FGF5: variants seen among roughly 807,000 people sequenced by gnomAD.
FGF5 encodes the protein heparin-binding growth factor 5.
In FGF5, 23 loss-of-function variants were observed where a neutral mutation model predicts 21.8. That is an observed-to-expected ratio of 1.05 (90% confidence interval 0.76 to 1.49). The LOEUF is 1.49. Among genes scored for constraint, FGF5 ranks in the 40% most tolerant of loss-of-function variants. The pLI, the probability that FGF5 is intolerant of heterozygous loss-of-function variation, is 0.00. For missense variants in FGF5, 352 were observed against 332.9 expected (o/e 1.06, Z -0.45); for synonymous variants, 158 against 124.0 (o/e 1.27, Z -1.82).
intron 2 of FGF5, among the ~76,000 whole-genome samples, chr4:80,282,985 C>T (rs1720598328): frequency 1.3e-5 from 2 of 152,112 alleles, no homozygotes; most frequent in Non-Finnish European, 2.9e-5. Context: ...ATGGTCCATG[C>T]ACAACATTAT....
rs1720104429 is a variant in FGF5 at position 80,266,919 on chromosome 4, C to A, written c.95C>A (p.Pro32His). 1.2e-6 allele frequency: 2 copies of A among 1,614,114 alleles called. No homozygotes were observed. The highest frequency in any genetic ancestry group is 1.7e-6 in the Non-Finnish European group (2 of 1,179,980). ...AAGCGTCTCGCCCCCAAAGGGCAAC[C>A]CGGACCCGCTGCCACTGATAGGAAC... is the stretch of plus-strand genomic sequence containing the variant. ...GEKRLAPKGQPGPAATDRNPR... is the reference protein window; with the variant it reads ...GEKRLAPKGQHGPAATDRNPR... Residue 32 changes from proline (P) to histidine (H), a missense_variant, in exon 1 of 3, where the codon CCC becomes CAC. By Grantham distance (77) the Pro-to-His change is moderately conservative. Coordinates refer to ENST00000312465, the MANE Select transcript of FGF5 (RefSeq NM_004464.4).
Position 80,290,905 on chromosome 4 carries a change from A to G in FGF5, c.*4233A>G, listed in dbSNP as rs1720887113. On this transcript the variant is annotated 3_prime_UTR_variant, in exon 3 of 3. Transcript: ENST00000312465. ...ATGGCTGCATAGTATTCCATGGTGT[A>G]TATGTGCCACATTTTCTTAATCCAG... is the stretch of plus-strand genomic sequence containing the variant. The G allele has an allele frequency of 6.6e-6, 1 of 152,148 alleles. No individual in the cohort carries two copies. Among genetic ancestry groups the G allele is most frequent in the Non-Finnish European group, 1.5e-5 (1 of 68,032 alleles). The allele number at this position is 152,148 out of a possible 1,614,324, so 9.4% of individuals were successfully genotyped here.
At chr4:80,286,067 A>G (rs1720706839) in intron 2 of FGF5, among the ~76,000 whole-genome samples, 1 of 152,194 alleles carries the variant, frequency 6.6e-6, no homozygotes, top group African/African-American at 2.4e-5. Context: ...GGTTACTTTT[A>G]TAGTCATCGA....
intron 2 of FGF5, among the ~76,000 whole-genome samples, chr4:80,281,064 A>T (rs2109926547): frequency 6.6e-6 from 1 of 152,148 alleles, no homozygotes; most frequent in Non-Finnish European, 1.5e-5. Context: ...TGAAGAACTG[A>T]GATATAGAAG....
exon 1 of FGF5, chr4:80,266,660 ATCCGC>A: frequency 3.3e-6 from 2 of 611,304 alleles, no homozygotes; most frequent in Non-Finnish European, 5.7e-6. Context: ...CAGCGCGGAG[ATCCGC>A]TCGGGTGGCC....
chr4:80,270,854 A>G (rs1040619154), intron 1 of FGF5, among the ~76,000 whole-genome samples: 3 of 152,238 alleles, frequency 2.0e-5, no homozygotes, highest in African/African-American at 7.2e-5. Flanking sequence ...AAAAATCTAA[A>G]TTCACTACCA....
intron 2 of FGF5, among the ~76,000 whole-genome samples, chr4:80,283,887 T>C (rs1305464282): frequency 6.6e-6 from 1 of 152,236 alleles, no homozygotes; most frequent in African/African-American, 2.4e-5. Context: ...ACATTCTAGA[T>C]GTCTATAGCT....
rs959019055 is a variant in FGF5 at position 80,289,426 on chromosome 4, A to T, written c.*2754A>T. 1.3e-5 allele frequency: 2 copies of T among 152,144 alleles called. No homozygotes were observed. The highest frequency in any genetic ancestry group is 4.8e-5 in the African/African-American group (2 of 41,432). 9.4% of individuals were successfully genotyped at this position (152,144 alleles called of 1,614,324 possible). ...TTTCTAAGAGGGTTCTTGCTTATGT[A>T]GCTTTTTATTATTTTAAGTAACTAG... On this transcript the variant is annotated 3_prime_UTR_variant, in exon 3 of 3. Transcript: ENST00000312465.
chr4:80,271,811 T>C (rs532612739), intron 1 of FGF5, among the ~76,000 whole-genome samples: 1 of 152,202 alleles, frequency 6.6e-6, no homozygotes, highest in South Asian at 2.1e-4. Flanking sequence ...GGTCAGAAAA[T>C]TACTGAAATT....
chr4:80,279,935 C>G (rs1016487051), intron 2 of FGF5, among the ~76,000 whole-genome samples: 7 of 152,196 alleles, frequency 4.6e-5, no homozygotes, highest in Admixed American at 2.6e-4. Context: ...GATCATCCTC[C>G]TTTCCTGGTT....
At chr4:80,281,057 A>G (rs1158234352) in intron 2 of FGF5, among the ~76,000 whole-genome samples, 1 of 152,104 alleles carries the variant, frequency 6.6e-6, no homozygotes, top group African/African-American at 2.4e-5. Flanking sequence ...CTCAGTATGA[A>G]GAACTGAGAT....
intron 1 of FGF5, chr4:80,268,568 G>A: frequency 2.0e-6 from 2 of 978,358 alleles, no homozygotes; most frequent in Non-Finnish European, 2.4e-6. Context: ...CGCGCAAGTG[G>A]GTAAGGCGGT....
intron 2 of FGF5, among the ~76,000 whole-genome samples, chr4:80,279,875 T>A (rs1720508051): frequency 6.6e-6 from 1 of 152,192 alleles, no homozygotes; most frequent in Non-Finnish European, 1.5e-5. Context: ...ATTGCAGACT[T>A]TATGAAACAG....
At chr4:80,267,697 T>C (rs553569640) in intron 1 of FGF5, among the ~76,000 whole-genome samples, 2 of 143,468 alleles carry the variant, frequency 1.4e-5, no homozygotes, top group Admixed American at 1.4e-4. Context: ...TATGTATATA[T>C]GTATATAAGT....
chr4:80,269,174 C>T (rs141852907), intron 1 of FGF5, among the ~76,000 whole-genome samples: 425 of 152,224 alleles, frequency 2.8e-3, no homozygotes, highest in African/African-American at 9.8e-3. Flanking sequence ...GCTGCTGTCT[C>T]CTGGCTATGT....
At chr4:80,286,075 C>T (rs755703230) in intron 2 of FGF5, among the ~76,000 whole-genome samples, 19 of 151,874 alleles carry the variant, frequency 1.3e-4, no homozygotes, top group Non-Finnish European at 2.2e-4. Context: ...TTATAGTCAT[C>T]GATATTATGT....
chr4:80,285,566 T>C (rs1697617915), intron 2 of FGF5, among the ~76,000 whole-genome samples: 1 of 152,188 alleles, frequency 6.6e-6, no homozygotes, highest in Non-Finnish European at 1.5e-5. Flanking sequence ...ACCGCTGTCA[T>C]AATTCCATTT....
intron 1 of FGF5, chr4:80,268,116 T>C (rs1284648499): frequency 6.6e-6 from 1 of 152,230 alleles, no homozygotes; most frequent in Non-Finnish European, 1.5e-5. Context: ...TCTTTTTTCC[T>C]TTCTCATCTC....
chr4:80,288,239 T>TA lies in FGF5; in HGVS notation c.*1568dup, dbSNP rs1285765219. ...ACTATGATTTATTTTGGTGCACAAA[T>TA]ACAAAGTGGAAACTTACCAAAATTG... On this transcript the variant is annotated 3_prime_UTR_variant, in exon 3 of 3. Coordinates refer to ENST00000312465, the MANE Select transcript of FGF5 (RefSeq NM_004464.4). 4 of 152,204 alleles carry TA rather than the reference T, an allele frequency of 2.6e-5. No individual in the cohort carries two copies. The highest frequency in any genetic ancestry group is 2.0e-4 in the Admixed American group (3 of 15,280). The allele number at this position is 152,204 out of a possible 1,614,324, so 9.4% of individuals were successfully genotyped here.
Sources: allele counts gnomAD v4.1 joint callset (sites outside exome capture counted in the v4.1 genomes callset), GRCh38; gene constraint gnomAD v4.1.1; transcripts MANE v1.5; gene names NCBI Gene and HGNC (gene_info 2026-07-23, HGNC 2026-07-21).